Variants in STK33 observed in about 807,000 individuals in gnomAD.
The protein encoded by STK33 is serine/threonine kinase 33.
Under a neutral mutation model 58.0 loss-of-function variants are expected in STK33, and 52 were observed. The ratio of observed to expected loss-of-function variants is 0.90; its 90% CI spans 0.72 to 1.13. The LOEUF is 1.13. Ranked by LOEUF, STK33 falls within the 50% of genes most tolerant of loss-of-function variation. The probability of loss-of-function intolerance (pLI) is 0.00; values close to 1 mark genes in which losing one functional copy is unlikely to be tolerated. For synonymous variants in STK33, 215 were observed against 200.1 expected (o/e 1.07, Z -0.63); for missense variants, 630 against 604.2 (o/e 1.04, Z -0.45).
intron 5 of STK33, among the ~76,000 whole-genome samples, 197 bp downstream of exon 5, chr11:8,474,484 T>C (rs1161896998): frequency 6.6e-6 from 1 of 152,190 alleles, no homozygotes; most frequent in Non-Finnish European, 1.5e-5. Flanking sequence ...AAATAATTAA[T>C]TTGGGCAGTG....
intron 14 of STK33, among the ~76,000 whole-genome samples, chr11:8,433,173 G>C (rs1334028151): frequency 6.6e-6 from 1 of 152,144 alleles, no homozygotes; most frequent in Non-Finnish European, 1.5e-5. Flanking sequence ...CTGTTGCACA[G>C]AATCCTTTGA....
intron 14 of STK33, among the ~76,000 whole-genome samples, chr11:8,426,720 G>A (rs1171031543): frequency 6.6e-6 from 1 of 151,928 alleles, no homozygotes; most frequent in Non-Finnish European, 1.5e-5. Flanking sequence ...TTCACTCTTA[G>A]TTTTATCTTT....
At chr11:8,534,859 G>T (rs1358936866) in intron 1 of STK33, among the ~76,000 whole-genome samples, 1 of 152,022 alleles carries the variant, frequency 6.6e-6, no homozygotes, top group African/African-American at 2.4e-5. Flanking sequence ...AGATCTTAAG[G>T]AGATCAAAGG....
chr11:8,533,646 G>C (rs190476505), intron 1 of STK33: 140 of 152,108 alleles, frequency 9.2e-4, no homozygotes, highest in African/African-American at 3.3e-3. Context: ...TAAAAGGGAG[G>C]GAAGGCAGAA....
At chr11:8,404,692 G>C (rs1938761519) in intron 15 of STK33, among the ~76,000 whole-genome samples, 1 of 152,174 alleles carries the variant, frequency 6.6e-6, no homozygotes, top group Non-Finnish European at 1.5e-5. Context: ...TTGTATGGAT[G>C]TACCACAATT....
chr11:8,577,517 C>T (rs1032427807), intron 1 of STK33, among the ~76,000 whole-genome samples: 5 of 151,936 alleles, frequency 3.3e-5, no homozygotes, highest in Non-Finnish European at 1.5e-5. Context: ...GCCATGTCAC[C>T]TTCCTTGAGC....
intron 1 of STK33, among the ~76,000 whole-genome samples, chr11:8,584,899 G>A (rs2141426058): frequency 6.6e-6 from 1 of 151,494 alleles, no homozygotes; most frequent in East Asian, 1.9e-4. Context: ...TAGAGAAAAT[G>A]CTACAGACAA....
At chr11:8,413,450 A>C in intron 15 of STK33, 45 bp downstream of exon 15, 6 of 1,596,968 alleles carry the variant, frequency 3.8e-6, no homozygotes, top group Non-Finnish European at 5.1e-6. Context: ...AGGTGTGGTG[A>C]GGGTATTTTA....
intron 15 of STK33, among the ~76,000 whole-genome samples, chr11:8,403,786 G>C (rs1440391395): frequency 6.6e-6 from 1 of 152,164 alleles, no homozygotes; most frequent in East Asian, 1.9e-4. Flanking sequence ...CAGGAAAACT[G>C]GACTAACTAT....
At chr11:8,455,810 CAAAAAA>C (rs1156835375) in intron 9 of STK33, among the ~76,000 whole-genome samples, 1,463 of 47,084 alleles carry the variant, frequency 0.031, 26 homozygotes, top group African/African-American at 0.09. Context: ...GACTCTGTCT[CAAAAAA>C]AAAAAAAAAA....
At chr11:8,362,898 CTCT>C in the STK33 span, among the ~76,000 whole-genome samples, 24 of 142,476 alleles carry the variant, frequency 1.7e-4, no homozygotes, top group South Asian at 4.4e-4. Flanking sequence ...TCCTTCCTCT[CTCT>C]CTCCCTTCCT....
chr11:8,502,216 T>C (rs976372324), intron 1 of STK33, among the ~76,000 whole-genome samples: 2 of 152,096 alleles, frequency 1.3e-5, no homozygotes, highest in Non-Finnish European at 2.9e-5. Flanking sequence ...TTAAGTGAAG[T>C]CTGTTACCCA....
chr11:8,371,617 T>C, the STK33 span, among the ~76,000 whole-genome samples: 15 of 135,196 alleles, frequency 1.1e-4, 1 homozygote, highest in South Asian at 2.5e-3. Context: ...TTCTTTCTCT[T>C]TCTTTTCCTT....
chr11:8,514,165 C>T (rs1057208834), intron 1 of STK33, among the ~76,000 whole-genome samples: 3 of 152,302 alleles, frequency 2.0e-5, no homozygotes, highest in African/African-American at 7.2e-5. Flanking sequence ...TTCTATATGG[C>T]TGAATAGTAC....
the STK33 span, among the ~76,000 whole-genome samples, chr11:8,378,213 C>A: frequency 4.6e-5 from 7 of 152,134 alleles, no homozygotes; most frequent in African/African-American, 1.7e-4. Context: ...AAGTTCAGAG[C>A]GAAGTGGGGG....
chr11:8,341,403 C>T, the STK33 span, among the ~76,000 whole-genome samples: 1 of 152,240 alleles, frequency 6.6e-6, no homozygotes, highest in Non-Finnish European at 1.5e-5. Context: ...GAGCCAGCAC[C>T]ACACCACTCT....
intron 10 of STK33, 64 bp downstream of exon 10, chr11:8,454,680 G>A: frequency 1.3e-6 from 2 of 1,492,234 alleles, no homozygotes; most frequent in Non-Finnish European, 1.8e-6. Context: ...AAAAGAGGAT[G>A]TACTTTGCCA....
At chr11:8,386,698 G>A in the STK33 span, among the ~76,000 whole-genome samples, 1 of 152,196 alleles carries the variant, frequency 6.6e-6, no homozygotes, top group Non-Finnish European at 1.5e-5. Flanking sequence ...GTGTCAATGT[G>A]AAAGGGACAA....
intron 12 of STK33, among the ~76,000 whole-genome samples, chr11:8,440,028 G>A (rs1473952080): frequency 6.6e-6 from 1 of 151,408 alleles, no homozygotes; most frequent in African/African-American, 2.4e-5. Context: ...CAGTCAGAAA[G>A]ACCCTGCAAT....
Sources: gnomAD v4.1 joint callset for allele counts (sites outside exome capture counted in the v4.1 genomes callset) on GRCh38, gnomAD v4.1.1 for gene constraint, MANE v1.5 for transcripts, NCBI Gene and HGNC (gene_info 2026-07-23, HGNC 2026-07-21) for gene names.